The following MDM1 variants were observed in gnomAD, a reference collection of about 807,000 sequenced individuals.
MDM1 encodes Mdm1 nuclear protein.
MDM1 carries 61 observed loss-of-function variants against 89.1 expected under a neutral mutation model. The ratio of observed to expected loss-of-function variants is 0.68; its 90% CI spans 0.56 to 0.85. The LOEUF (loss-of-function observed/expected upper bound fraction) is 0.85. Among genes scored for constraint, MDM1 ranks in the 40% least tolerant of loss-of-function variants. The pLI is 0.00. For missense variants in MDM1, 820 were observed against 846.5 expected (o/e 0.97, Z 0.39); for synonymous variants, 290 against 294.1 (o/e 0.99, Z 0.14).
chr12:68,315,245 G>A lies in MDM1; in HGVS notation c.1232C>T (p.Thr411Ile). ...TTCTGTAGAAGGACATTTCTGCAAA[G>A]TCTTATGGCTTGTAGGATCTCTGCG... is the stretch of plus-strand genomic sequence containing the variant. ...DLAGDPTSHKTLQKCPSTEPE... is the reference protein window; with the variant it reads ...DLAGDPTSHKILQKCPSTEPE... Residue 411 changes from threonine to isoleucine, a missense_variant, in exon 10 of 15, where the codon ACT becomes ATT. Transcript: ENST00000682720. 6.2e-7 allele frequency: 1 copy of A among 1,613,738 alleles called. No individual in the cohort carries two copies. Among genetic ancestry groups the A allele is most frequent in the Non-Finnish European group, 8.5e-7 (1 of 1,179,692 alleles).
intron 2 of MDM1, among the ~76,000 whole-genome samples, chr12:68,329,732 C>G (rs533427983): frequency 6.6e-6 from 1 of 152,276 alleles, no homozygotes; most frequent in African/African-American, 2.4e-5. Flanking sequence ...TCTCAGAGAT[C>G]TAATATACTA....
chr12:68,326,668 C>T lies in MDM1; in HGVS notation c.487G>A (p.Val163Ile). The change falls in exon 3 of 15, where the codon GTA (valine) becomes ATA (isoleucine). Residue 163 changes from valine to isoleucine, a missense_variant. Coordinates refer to ENST00000682720, the MANE Select transcript of MDM1 (RefSeq NM_001354969.2). Reference protein sequence around the residue: ...EHSTKVLSENVDNGLDRLLRK... With the variant: ...EHSTKVLSENIDNGLDRLLRK... ...GTGAATATGCCTACCCCATTATCTACATTTTCTGAAAGAACCTTGGTAGAA... is the reference window on the plus strand; with the variant it reads ...GTGAATATGCCTACCCCATTATCTATATTTTCTGAAAGAACCTTGGTAGAA... The T allele has an allele frequency of 2.5e-6, 4 of 1,614,132 alleles. No individual in the cohort carries two copies. Among genetic ancestry groups the T allele is most frequent in the Non-Finnish European group, 3.4e-6 (4 of 1,180,000 alleles).
Position 68,315,006 on chromosome 12 carries a change from C to T in MDM1, c.1471G>A (p.Gly491Arg), listed in dbSNP as rs1253071908. The change falls in exon 10 of 15, where the codon GGA becomes AGA. Residue 491 changes from glycine (G) to arginine (R), a missense_variant. By Grantham distance (125) the Gly-to-Arg change is moderately radical. Transcript: ENST00000682720. ...DRKTGKQAFM[G>R]EQEKLDVREK... ...CGTACATCCAACTTCTCTTGCTCTC[C>T]CATAAAAGCCTGCTTGCCCGTTTTC... is the stretch of plus-strand genomic sequence containing the variant. The T allele has an allele frequency of 4.3e-6, 7 of 1,614,028 alleles. No individual in the cohort carries two copies. The African/African-American group carries it at 5.3e-5, about 12-fold the overall frequency.
chr12:68,321,704 T>C (rs1011230961), intron 5 of MDM1, 76 bp from the exon 6 acceptor site: 1 of 828,532 alleles, frequency 1.2e-6, no homozygotes, highest in South Asian at 1.8e-5. Flanking sequence ...GTTATAAAGT[T>C]AGACTTGAAT....
chr12:68,325,407 G>A, intron 4 of MDM1, 34 bp downstream of exon 4: 1 of 1,454,310 alleles, frequency 6.9e-7, no homozygotes, highest in African/African-American at 1.4e-5. Flanking sequence ...ATAAGATAAT[G>A]GTACTCAGAA....
At chr12:68,301,621 T>C (rs1641681063) in intron 13 of MDM1, among the ~76,000 whole-genome samples, 1 of 151,460 alleles carries the variant, frequency 6.6e-6, no homozygotes, top group South Asian at 2.1e-4. Context: ...ACACAAAAGA[T>C]AGAAGATAAA....
intron 7 of MDM1, chr12:68,321,062 A>G (rs1875157156): frequency 3.6e-6 from 1 of 276,452 alleles, no homozygotes; most frequent in East Asian, 6.8e-5. Context: ...TCGAATCTAT[A>G]ATGATACAAT....
chr12:68,295,073 C>A lies in MDM1; in HGVS notation c.*181G>T. The A allele has an allele frequency of 2.5e-6, 1 of 404,020 alleles. No homozygotes were observed. 25.0% of individuals were successfully genotyped at this position (404,020 alleles called of 1,614,324 possible). A position where few individuals can be genotyped will look rare whatever the true frequency, so the allele number is the denominator to read the frequency against. On this transcript the variant is annotated 3_prime_UTR_variant, in exon 15 of 15. Coordinates refer to ENST00000682720, the MANE Select transcript of MDM1 (RefSeq NM_001354969.2). ...CTCTGGGATAGATGTAAAAAGAATT[C>A]TTTAAAAGTTAAATTTGTATAAGCC...
In MDM1 at chr12:68,326,899, G is replaced by C; in HGVS notation, c.256C>G (p.Pro86Ala). 1.9e-6 allele frequency: 3 copies of C among 1,614,084 alleles called. No homozygotes were observed. Among genetic ancestry groups the C allele is most frequent in the Non-Finnish European group, 8.5e-7 (1 of 1,180,002 alleles). The change falls in exon 3 of 15, where the codon CCA (proline) becomes GCA (alanine). Residue 86 changes from proline (P) to alanine (A), a missense_variant. Coordinates refer to ENST00000682720, the MANE Select transcript of MDM1 (RefSeq NM_001354969.2). ...GATTTTGGTGTTTCCGGGGCTTCTGGTTCTGGTGATGCAACCACATTGCTC... is the reference window on the plus strand; with the variant it reads ...GATTTTGGTGTTTCCGGGGCTTCTGCTTCTGGTGATGCAACCACATTGCTC... ...SESNVVASPE[P>A]EAPETPKSQE... is the part of the protein sequence containing the mutation.
At position 68,332,361 on chromosome 12, in the gene MDM1, G is replaced by C; in HGVS notation, c.-116C>G. 6.1e-6 allele frequency: 8 copies of C among 1,307,754 alleles called. No homozygotes were observed. Among genetic ancestry groups the C allele is most frequent in the Non-Finnish European group, 8.2e-6 (8 of 970,298 alleles). The allele number at this position is 1,307,754 out of a possible 1,614,324, so 81.0% of individuals were successfully genotyped here. The stretch of plus-strand genomic sequence containing the variant: ...GCCTCGGCCCGGCGTCCCCGACTAC[G>C]CGCCGGCGCACTCCGCGCTTCCCGC... On this transcript the variant is annotated 5_prime_UTR_variant, in exon 1 of 15. Transcript: ENST00000682720.
chr12:68,329,267 G>C (rs968125017), intron 2 of MDM1, among the ~76,000 whole-genome samples: 1 of 152,166 alleles, frequency 6.6e-6, no homozygotes, highest in Admixed American at 6.5e-5. Context: ...CGCTGGGTCA[G>C]ATCATGATGC....
chr12:68,314,386 C>T (rs965901770), intron 10 of MDM1, among the ~76,000 whole-genome samples: 1 of 152,112 alleles, frequency 6.6e-6, no homozygotes, highest in Non-Finnish European at 1.5e-5. Flanking sequence ...GCCAAGTCAG[C>T]ACCGGCACAG....
chr12:68,299,833 G>C (rs959585106), intron 13 of MDM1, among the ~76,000 whole-genome samples: 1 of 152,172 alleles, frequency 6.6e-6, no homozygotes. Context: ...GAAGCTCAAT[G>C]AACTCTTAGG....
At chr12:68,312,986 G>A (rs1873902635) in intron 12 of MDM1, among the ~76,000 whole-genome samples, 2 of 152,062 alleles carry the variant, frequency 1.3e-5, no homozygotes, top group African/African-American at 2.4e-5. Flanking sequence ...GTTCACTTCA[G>A]CAGCTTTATT....
rs201196000 is a variant in MDM1, at chr12:68,313,638, G to C, written c.1639+6C>G. 63 of 1,612,260 alleles carry C rather than the reference G, an allele frequency of 3.9e-5. No homozygotes were observed. The Middle Eastern group carries it at 6.6e-4, about 17-fold the overall frequency. ...AAATAAGAACTGCACGGTGTTTGCC[G>C]ATTACCAACAGCTGGAGTAGTGAGA... On this transcript the variant is annotated splice_donor_region_variant and intron_variant, in intron 11 of 14. Transcript: ENST00000682720.
intron 12 of MDM1, 113 bp from the exon 13 acceptor site, chr12:68,302,985 A>ACACACCT: frequency 2.1e-6 from 2 of 966,806 alleles, no homozygotes; most frequent in South Asian, 2.1e-5. Flanking sequence ...GAGAAATATG[A>ACACACCT]GAGAATTTAT....
chr12:68,311,897 C>T (rs891597117), intron 12 of MDM1, among the ~76,000 whole-genome samples: 7 of 152,120 alleles, frequency 4.6e-5, no homozygotes, highest in African/African-American at 1.7e-4. Flanking sequence ...TCAAGGTCAC[C>T]AAAGACCTCC....
At chr12:68,296,874 T>C (rs1341533150) in intron 14 of MDM1, 49 bp downstream of exon 14, 2 of 1,286,014 alleles carry the variant, frequency 1.6e-6, no homozygotes, top group Middle Eastern at 1.9e-4. Flanking sequence ...GCCATTATAC[T>C]CTCATAGACT....
chr12:68,326,128 T>G, intron 3 of MDM1: 1 of 1,013,108 alleles, frequency 9.9e-7, no homozygotes, highest in South Asian at 4.2e-5. Context: ...CCACACAAGT[T>G]CCTGCAGCCT....
Sources: allele counts gnomAD v4.1 joint callset (sites outside exome capture counted in the v4.1 genomes callset), GRCh38; gene constraint gnomAD v4.1.1; transcripts MANE v1.5; gene names NCBI Gene and HGNC (gene_info 2026-07-23, HGNC 2026-07-21).